TMCC1: variants seen among roughly 807,000 people sequenced by gnomAD.
TMCC1 encodes the protein transmembrane and coiled-coil domains protein 1.
TMCC1 carries 15 observed loss-of-function variants against 52.4 expected under a neutral mutation model. The observed-to-expected ratio is 0.29, with a 90% CI of 0.19 to 0.44. TMCC1 has a LOEUF of 0.44. Ranked by LOEUF, TMCC1 falls within the 20% of genes least tolerant of loss-of-function variation. TMCC1 has a pLI of 1.00. For synonymous variants in TMCC1, 279 were observed against 301.9 expected (o/e 0.92, Z 0.79); for missense variants, 503 against 806.0 (o/e 0.62, Z 4.55).
rs566197021 is a variant in TMCC1, at chr3:129,659,486, G to C, written c.1512-4383C>G. On this transcript the variant is annotated intron_variant, in intron 5 of 6. Transcript: ENST00000393238. Reference sequence around the variant, plus strand: ...TTTAACAACAATAAAGGGGGGCAAGGAGGTACACAAAATAGTGGTAATTTA... The same window carrying C: ...TTTAACAACAATAAAGGGGGGCAAGCAGGTACACAAAATAGTGGTAATTTA... 4.6e-5 allele frequency among the ~76,000 whole-genome samples: 7 copies of C among 152,292 alleles called. No homozygotes were observed. In the East Asian group the frequency reaches 1.4e-3, roughly 29 times the overall value.
chr3:129,694,166 G>A (rs994444202), intron 4 of TMCC1, among the ~76,000 whole-genome samples: 2 of 152,214 alleles, frequency 1.3e-5, no homozygotes, highest in Non-Finnish European at 2.9e-5. Context: ...TCTGGTGAGA[G>A]AGTTTCTCAG....
At chr3:129,856,578 C>G (rs916434153) in intron 2 of TMCC1, among the ~76,000 whole-genome samples, 1 of 152,090 alleles carries the variant, frequency 6.6e-6, no homozygotes, top group African/African-American at 2.4e-5. Context: ...CATGTATGAG[C>G]AACGAAAAAC....
At chr3:129,659,799 C>T (rs545225665) in intron 5 of TMCC1, among the ~76,000 whole-genome samples, 3 of 152,180 alleles carry the variant, frequency 2.0e-5, no homozygotes, top group African/African-American at 4.8e-5. Flanking sequence ...GCAGTTTGTA[C>T]CAGCTAATGC....
In TMCC1 at chr3:129,810,052, T is replaced by C. The variant is rs535644448; in HGVS notation, c.576+17751A>G. Among the ~76,000 whole-genome samples the C allele has an allele frequency of 5.3e-5, 8 of 152,262 alleles. No individual in the cohort carries two copies. In the South Asian group the frequency reaches 1.5e-3, roughly 28 times the overall value. ...ACCCTAAGGCAACAAAAGATACTGA[T>C]ACAGAACTATGAGCAAAAATCAGGC... On this transcript the variant is annotated intron_variant, in intron 4 of 6. Transcript: ENST00000393238.
intron 3 of TMCC1, among the ~76,000 whole-genome samples, chr3:129,831,849 C>G (rs921712365): frequency 2.6e-5 from 4 of 152,054 alleles, no homozygotes; most frequent in Admixed American, 6.6e-5. Flanking sequence ...TATAAAATTC[C>G]CCAATTAACT....
At position 129,740,793 on chromosome 3, in the gene TMCC1, A is replaced by C. The variant is rs376103438; in HGVS notation, c.577-69529T>G. ...CACTGTTCCCCATTGTGACTTCATT[A>C]CCTCACTGGTCTTCTTTCTTTGACT... On this transcript the variant is annotated intron_variant, in intron 4 of 6. Coordinates refer to ENST00000393238, the MANE Select transcript of TMCC1 (RefSeq NM_001017395.5). Among the ~76,000 whole-genome samples, 7 of 152,264 alleles carry C rather than the reference A, an allele frequency of 4.6e-5. No homozygotes were observed. In the East Asian group the frequency reaches 1.4e-3, roughly 29 times the overall value.
At chr3:129,837,127 C>A (rs914321172) in intron 2 of TMCC1, among the ~76,000 whole-genome samples, 2 of 151,990 alleles carry the variant, frequency 1.3e-5, no homozygotes, top group African/African-American at 4.8e-5. Flanking sequence ...CTGAAAAAAA[C>A]CTTAGCTTGA....
chr3:129,843,207 C>T lies in TMCC1; in HGVS notation c.-183-10381G>A, dbSNP rs185852952. ...TGAAAATACAAAAAAATTAGCCGGGCGTGGTGGCAGGTGCCTGTAGTCCCA... is the reference window on the plus strand; with the variant it reads ...TGAAAATACAAAAAAATTAGCCGGGTGTGGTGGCAGGTGCCTGTAGTCCCA... On this transcript the variant is annotated intron_variant, in intron 2 of 6. Transcript: ENST00000393238. 9.9e-4 allele frequency among the ~76,000 whole-genome samples: 151 copies of T among 152,020 alleles called. 2 individuals carry two copies. The East Asian group carries it at 0.021, about 22-fold the overall frequency.
At chr3:129,783,101 GT>G (rs1393712666) in intron 4 of TMCC1, among the ~76,000 whole-genome samples, 2 of 152,156 alleles carry the variant, frequency 1.3e-5, no homozygotes, top group Non-Finnish European at 2.9e-5. Context: ...TACTATAACA[GT>G]TAGTTGGGTT....
intron 4 of TMCC1, among the ~76,000 whole-genome samples, chr3:129,752,936 T>C (rs954552856): frequency 3.6e-4 from 55 of 152,092 alleles, no homozygotes; most frequent in Non-Finnish European, 5.7e-4. Context: ...CATCTTCACA[T>C]GGCCAGCGGG....
intron 4 of TMCC1, among the ~76,000 whole-genome samples, chr3:129,822,943 C>G (rs906824984): frequency 2.0e-5 from 3 of 152,182 alleles, no homozygotes; most frequent in Non-Finnish European, 4.4e-5. Flanking sequence ...CTCATTATTA[C>G]AGTTTTGAAA....
At chr3:129,750,570 A>T (rs971869542) in intron 4 of TMCC1, among the ~76,000 whole-genome samples, 1 of 89,956 alleles carries the variant, frequency 1.1e-5, no homozygotes, top group African/African-American at 4.4e-5. Flanking sequence ...ATAGATCTAA[A>T]TTTTTTTTTT....
At chr3:129,700,888 C>G (rs115421285) in intron 4 of TMCC1, among the ~76,000 whole-genome samples, 1 of 152,278 alleles carries the variant, frequency 6.6e-6, no homozygotes, top group African/African-American at 2.4e-5. Flanking sequence ...GGAAGCAAAT[C>G]CTTGACAAAA....
At chr3:129,761,092 G>A (rs938266859) in intron 4 of TMCC1, among the ~76,000 whole-genome samples, 25 of 151,912 alleles carry the variant, frequency 1.6e-4, no homozygotes, top group East Asian at 8.0e-4. Flanking sequence ...TTGGGAGGTC[G>A]AGGCGGGCGG....
At chr3:129,713,497 A>G (rs2048847267) in intron 4 of TMCC1, among the ~76,000 whole-genome samples, 1 of 152,198 alleles carries the variant, frequency 6.6e-6, no homozygotes, top group South Asian at 2.1e-4. Context: ...TTTAGGAAAT[A>G]TGTAATAAAA....
chr3:129,826,007 G>A (rs2107828958), intron 4 of TMCC1, among the ~76,000 whole-genome samples: 1 of 152,212 alleles, frequency 6.6e-6, no homozygotes, highest in Non-Finnish European at 1.5e-5. Context: ...TCTTTCTCTT[G>A]AAGTTTTCCA....
chr3:129,885,296 C>A (rs1384159521), intron 1 of TMCC1, among the ~76,000 whole-genome samples: 1 of 152,042 alleles, frequency 6.6e-6, no homozygotes, highest in Admixed American at 6.6e-5. Context: ...ATGAATTTGT[C>A]AAAGCAAAGG....
chr3:129,813,674 G>A (rs2057949475), intron 4 of TMCC1, among the ~76,000 whole-genome samples: 2 of 151,858 alleles, frequency 1.3e-5, no homozygotes, highest in Non-Finnish European at 2.9e-5. Context: ...GGTGAGGATC[G>A]AAAAACTACC....
chr3:129,886,523 C>T (rs963654025), intron 1 of TMCC1, among the ~76,000 whole-genome samples: 1 of 152,140 alleles, frequency 6.6e-6, no homozygotes, highest in African/African-American at 2.4e-5. Flanking sequence ...TACTGATGAA[C>T]AGGTACACAA....
Sources: gnomAD v4.1 joint callset for allele counts (sites outside exome capture counted in the v4.1 genomes callset) on GRCh38, gnomAD v4.1.1 for gene constraint, MANE v1.5 for transcripts, NCBI Gene and HGNC (gene_info 2026-07-23, HGNC 2026-07-21) for gene names.